The following LPCAT1 variants were observed in gnomAD, a reference collection of about 807,000 sequenced individuals.
LPCAT1 encodes lysophosphatidylcholine acyltransferase 1, also known as 1-acylglycerol-3-phosphate O-acyltransferase.
In LPCAT1, 23 loss-of-function variants were observed where a neutral mutation model predicts 60.9. The observed-to-expected ratio is 0.38, with a 90% CI of 0.27 to 0.53. LPCAT1 has a LOEUF of 0.53. Ranked by LOEUF, LPCAT1 falls within the 20% of genes least tolerant of loss-of-function variation. The pLI is 0.82. For missense variants in LPCAT1, 622 were observed against 723.6 expected, an observed-to-expected ratio of 0.86 and a Z score of 1.61; for synonymous variants, 340 against 301.1, an observed-to-expected ratio of 1.13 and a Z score of -1.34.
chr5:1,490,628 A>C (rs1735541313), intron 3 of LPCAT1, among the ~76,000 whole-genome samples: 1 of 152,190 alleles, frequency 6.6e-6, no homozygotes, highest in African/African-American at 2.4e-5. Context: ...GGTGCTTTGT[A>C]GCACAGCCCC....
intron 5 of LPCAT1, among the ~76,000 whole-genome samples, 167 bp downstream of exon 5, chr5:1,488,224 A>AT (rs1735443801): frequency 1.3e-5 from 2 of 152,344 alleles, no homozygotes; most frequent in Non-Finnish European, 2.9e-5. Context: ...CTTGACTCAC[A>AT]TTCTCAAATT....
intron 3 of LPCAT1, among the ~76,000 whole-genome samples, chr5:1,493,734 G>A (rs1735675192): frequency 1.3e-5 from 2 of 152,250 alleles, no homozygotes; most frequent in Admixed American, 1.3e-4. Flanking sequence ...GCCACGCAGG[G>A]CTCCCTACAG....
Position 1,523,748 on chromosome 5 carries a change from C to A in LPCAT1, c.97G>T (p.Val33Leu). 8.5e-7 allele frequency: 1 copy of A among 1,174,688 alleles called. No individual in the cohort carries two copies. The highest frequency in any genetic ancestry group is 1.1e-6 in the Non-Finnish European group (1 of 944,238). The allele number at this position is 1,174,688 out of a possible 1,614,324, so 72.8% of individuals were successfully genotyped here. A position where few individuals can be genotyped will look rare whatever the true frequency, so the allele number is the denominator to read the frequency against. The part of the protein sequence containing the change: ...LLAPPGRNPF[V>L]HELRLSALQK... ...AGGGCGCTGAGGCGCAGCTCGTGCA[C>A]GAAGGGGTTCCGCCCCGGGGGCGCC... is the stretch of plus-strand genomic sequence containing the variant. The change falls in exon 1 of 14, where the codon GTG (valine) becomes TTG (leucine). Residue 33 changes from valine to leucine, a missense_variant. Around this residue, in one of 3 missense-constraint regions of LPCAT1, gnomAD observed 125 missense variants for 114.5 expected, o/e 1.09. Transcript: ENST00000283415. The surrounding 1 kb of genome is among the most constrained non-coding windows in gnomAD (Gnocchi z 7.1).
rs534894212 is a variant in LPCAT1 at position 1,468,098 on chromosome 5, C to T, written c.1279-1208G>A. ...GTGCTCAGGGAAGAAACGCTGACGC[C>T]TCCAGCCTTCCGGCCTGGCAAGCTG... On this transcript the variant is annotated intron_variant, in intron 12 of 13. Transcript: ENST00000283415. 1.2e-3 allele frequency among the ~76,000 whole-genome samples: 182 copies of T among 152,286 alleles called. 1 individual carries two copies. Among genetic ancestry groups the T allele is most frequent in the African/African-American group, 4.0e-3 (167 of 41,558 alleles).
intron 8 of LPCAT1, chr5:1,479,383 A>C (rs1283916844): frequency 1.8e-6 from 1 of 549,082 alleles, no homozygotes; most frequent in Non-Finnish European, 3.3e-6. Context: ...CTGTCTCAGA[A>C]AAACAAAAAA....
rs1478543444 is a variant in LPCAT1, at chr5:1,496,013, G to A, written c.279-1099C>T. The stretch of plus-strand genomic sequence containing the variant: ...CAGGGTGCTGCTTGTCTAGAGGAGG[G>A]GGGATTACACAGGTGTGCACTTCTT... On this transcript the variant is annotated intron_variant, in intron 2 of 13. Coordinates refer to ENST00000283415, the MANE Select transcript of LPCAT1 (RefSeq NM_024830.5). This position sits in a 1 kb window ranked among gnomAD's most constrained non-coding sequence, Gnocchi z 4.7. Among the ~76,000 whole-genome samples the A allele has an allele frequency of 7.9e-5, 12 of 152,166 alleles. No individual in the cohort carries two copies. The East Asian group carries it at 2.3e-3, about 29-fold the overall frequency.
Position 1,496,103 on chromosome 5 carries a change from G to A in LPCAT1, c.279-1189C>T, listed in dbSNP as rs1735778417. Among the ~76,000 whole-genome samples, 2 of 152,220 alleles carry A rather than the reference G, an allele frequency of 1.3e-5. No homozygotes were observed. Among genetic ancestry groups the A allele is most frequent in the South Asian group, 4.1e-4 (2 of 4,828 alleles). On this transcript the variant is annotated intron_variant, in intron 2 of 13. Coordinates refer to ENST00000283415, the MANE Select transcript of LPCAT1 (RefSeq NM_024830.5). The surrounding 1 kb of genome is among the most constrained non-coding windows in gnomAD (Gnocchi z 4.7). ...TGGCCAGGCATGGTGGCTCACGCCTGTAATCACAGCACTTTGGGAGGCCAA... is the reference window on the plus strand; with the variant it reads ...TGGCCAGGCATGGTGGCTCACGCCTATAATCACAGCACTTTGGGAGGCCAA...
chr5:1,488,603 T>C (rs1387398538), intron 4 of LPCAT1, 152 bp from the exon 5 acceptor site: 1 of 580,900 alleles, frequency 1.7e-6, no homozygotes, highest in Non-Finnish European at 3.0e-6. Flanking sequence ...TTAAAATGCA[T>C]TATGGAAGCA....
rs1361287120 is a variant in LPCAT1, at chr5:1,476,831, C to T, written c.899+573G>A. Reference sequence around the variant, plus strand: ...GGGAGGGCGTGTGAGCTGACGACACCGAGGGAGGGAGAGGGGGAGGGCGTG... The same window carrying T: ...GGGAGGGCGTGTGAGCTGACGACACTGAGGGAGGGAGAGGGGGAGGGCGTG... On this transcript the variant is annotated intron_variant, in intron 9 of 13. Transcript: ENST00000283415. This position sits in a 1 kb window ranked among gnomAD's most constrained non-coding sequence, Gnocchi z 8.6. Among the ~76,000 whole-genome samples, 4 of 146,636 alleles carry T rather than the reference C, an allele frequency of 2.7e-5. No homozygotes were observed. The highest frequency in any genetic ancestry group is 2.1e-4 in the South Asian group (1 of 4,680).
intron 12 of LPCAT1, among the ~76,000 whole-genome samples, chr5:1,468,087 A>C (rs914957307): frequency 6.6e-6 from 1 of 151,980 alleles, no homozygotes; most frequent in African/African-American, 2.4e-5. Context: ...TCAGGGAAGA[A>C]ACGCTGACGC....
intron 12 of LPCAT1, among the ~76,000 whole-genome samples, chr5:1,469,949 T>A (rs944352640): frequency 6.6e-6 from 1 of 152,184 alleles, no homozygotes; most frequent in Non-Finnish European, 1.5e-5. Flanking sequence ...AATGTTGAGG[T>A]CATCGAGTTC....
At chr5:1,504,273 A>T (rs1217850592) in intron 1 of LPCAT1, among the ~76,000 whole-genome samples, 1 of 152,162 alleles carries the variant, frequency 6.6e-6, no homozygotes, top group South Asian at 2.1e-4. Context: ...ATTCCCATCT[A>T]CTGTTACTGT....
At chr5:1,508,847 C>A (rs1736265114) in intron 1 of LPCAT1, among the ~76,000 whole-genome samples, 1 of 152,240 alleles carries the variant, frequency 6.6e-6, no homozygotes, top group Non-Finnish European at 1.5e-5. Flanking sequence ...CTGGCAAACC[C>A]CTCCCTCGTC....
chr5:1,523,820 G>A lies in LPCAT1; in HGVS notation c.25C>T (p.Arg9Trp). 2 of 1,085,708 alleles carry A rather than the reference G, an allele frequency of 1.8e-6. No homozygotes were observed. Among genetic ancestry groups the A allele is most frequent in the Non-Finnish European group, 1.1e-6 (1 of 894,824 alleles). The allele number at this position is 1,085,708 out of a possible 1,614,324, so 67.3% of individuals were successfully genotyped here. A position where few individuals can be genotyped will look rare whatever the true frequency, so the allele number is the denominator to read the frequency against. The change falls in exon 1 of 14, where the codon CGG becomes TGG. Residue 9 changes from arginine to tryptophan, a missense_variant. Around this residue, in one of 3 missense-constraint regions of LPCAT1, gnomAD observed 125 missense variants for 114.5 expected, o/e 1.09. Transcript: ENST00000283415. This position sits in a 1 kb window ranked among gnomAD's most constrained non-coding sequence, Gnocchi z 7.1. MRLRGCGPRAAPASSAGAS... is the reference protein window; with the variant it reads MRLRGCGPWAAPASSAGAS... ...CCTGCGCTGGAGGCAGGGGCGGCCC[G>A]GGGTCCGCATCCCCGCAGCCTCATG... is the stretch of plus-strand genomic sequence containing the variant.
At position 1,477,562 on chromosome 5, in the gene LPCAT1, G is replaced by T; in HGVS notation, c.817-76C>A. ...ACACCACTGTAACGACAACTGGGAG[G>T]CTGACAAAATTAAGATCTGTCAAAG... On this transcript the variant is annotated intron_variant, in intron 8 of 13. Transcript: ENST00000283415. The surrounding 1 kb of genome is among the most constrained non-coding windows in gnomAD (Gnocchi z 6.0). 1.8e-6 allele frequency: 2 copies of T among 1,115,124 alleles called. No homozygotes were observed. Among genetic ancestry groups the T allele is most frequent in the Non-Finnish European group, 1.3e-6 (1 of 751,616 alleles). 69.1% of individuals were successfully genotyped at this position (1,115,124 alleles called of 1,614,324 possible).
chr5:1,465,127 C>G (rs1734305147), intron 13 of LPCAT1, among the ~76,000 whole-genome samples: 1 of 139,284 alleles, frequency 7.2e-6, no homozygotes, highest in African/African-American at 2.6e-5. Context: ...CACACACACA[C>G]AAAACAAGCG....
intron 9 of LPCAT1, among the ~76,000 whole-genome samples, 183 bp from the exon 10 acceptor site, chr5:1,474,868 C>A (rs978777716): frequency 6.6e-6 from 1 of 152,206 alleles, no homozygotes; most frequent in African/African-American, 2.4e-5. Flanking sequence ...CGTGGGTGCT[C>A]TGAAACGATG....
rs899204924 is a variant in LPCAT1 at position 1,472,492 on chromosome 5, C to T, written c.1179+1465G>A. On this transcript the variant is annotated intron_variant, in intron 11 of 13. Coordinates refer to ENST00000283415, the MANE Select transcript of LPCAT1 (RefSeq NM_024830.5). Reference sequence around the variant, plus strand: ...CAAGTCCCTGGCTCTGGGAAGGTCTCGGGCTGGGGGTCTGAGGTCCTGGGT... The same window carrying T: ...CAAGTCCCTGGCTCTGGGAAGGTCTTGGGCTGGGGGTCTGAGGTCCTGGGT... Among the ~76,000 whole-genome samples, 2 of 152,046 alleles carry T rather than the reference C, an allele frequency of 1.3e-5. 1 individual carries two copies. The highest frequency in any genetic ancestry group is 2.9e-5 in the Non-Finnish European group (2 of 68,008).
intron 12 of LPCAT1, among the ~76,000 whole-genome samples, chr5:1,468,994 C>T (rs1162447627): frequency 1.1e-4 from 16 of 152,220 alleles, no homozygotes; most frequent in South Asian, 2.1e-4. Flanking sequence ...GAAATGATGA[C>T]ACCATGAAAG....
Sources: allele counts gnomAD v4.1 joint callset (sites outside exome capture counted in the v4.1 genomes callset), GRCh38; gene constraint gnomAD v4.1.1; regional missense constraint gnomAD v4.1.1; non-coding constraint Gnocchi (gnomAD v3.1); transcripts MANE v1.5; gene names NCBI Gene and HGNC (gene_info 2026-07-23, HGNC 2026-07-21).